GPR19: variants seen among roughly 807,000 people sequenced by gnomAD.
The protein encoded by GPR19 is probable G protein-coupled receptor 19.
A neutral mutation model predicts 28.5 loss-of-function variants in GPR19; 14 were observed. That is an observed-to-expected ratio of 0.49 (90% CI 0.32 to 0.77). GPR19 has a LOEUF of 0.77. GPR19 is among the 30% of genes least tolerant of loss of function. The probability of loss-of-function intolerance (pLI) is 0.03; values close to 1 mark genes in which losing one functional copy is unlikely to be tolerated. For missense variants in GPR19, 409 were observed against 504.1 expected (o/e 0.81, Z 1.81); for synonymous variants, 173 against 184.1 (o/e 0.94, Z 0.49).
At chr12:12,707,090 T>C in the GPR19 span, among the ~76,000 whole-genome samples, 1 of 152,174 alleles carries the variant, frequency 6.6e-6, no homozygotes, top group African/African-American at 2.4e-5. Context: ...CCACTCACCA[T>C]GTTTCCAGCT....
chr12:12,712,623 C>T, the GPR19 span, among the ~76,000 whole-genome samples: 7 of 152,168 alleles, frequency 4.6e-5, no homozygotes, highest in African/African-American at 1.7e-4. Context: ...CCTCTTTCTC[C>T]TTGCTTTGTA....
intron 3 of GPR19, among the ~76,000 whole-genome samples, chr12:12,680,267 G>A (rs1309027645): frequency 5.9e-5 from 9 of 152,208 alleles, no homozygotes; most frequent in South Asian, 2.1e-4. Flanking sequence ...TCTACCTGCC[G>A]TCTGTGGACA....
At chr12:12,693,025 A>G (rs779851849) in intron 2 of GPR19, among the ~76,000 whole-genome samples, 3 of 152,226 alleles carry the variant, frequency 2.0e-5, no homozygotes, top group East Asian at 3.8e-4. Flanking sequence ...CTTATATTCA[A>G]TAACTAAAGT....
At chr12:12,671,660 A>G (rs1385127837) in intron 3 of GPR19, among the ~76,000 whole-genome samples, 1 of 152,120 alleles carries the variant, frequency 6.6e-6, no homozygotes, top group Non-Finnish European at 1.5e-5. Flanking sequence ...AACTTCACAA[A>G]ATAGCTTAAA....
chr12:12,695,553 A>G (rs1297239570), intron 1 of GPR19, 42 bp from the exon 2 acceptor site: 8 of 152,170 alleles, frequency 5.3e-5, no homozygotes, highest in Admixed American at 5.2e-4. Context: ...ATCCCTCGAG[A>G]CAGTTCCCAA....
At chr12:12,675,228 C>T (rs893258153) in intron 3 of GPR19, among the ~76,000 whole-genome samples, 1 of 152,058 alleles carries the variant, frequency 6.6e-6, no homozygotes, top group African/African-American at 2.4e-5. Context: ...ACGTGGGGAG[C>T]AGGTTAGAGA....
intron 3 of GPR19, among the ~76,000 whole-genome samples, chr12:12,677,392 C>T (rs1017987837): frequency 6.6e-6 from 1 of 151,614 alleles, no homozygotes; most frequent in Non-Finnish European, 1.5e-5. Flanking sequence ...TTTTAGTAGA[C>T]ATGGAAAATG....
the GPR19 span, among the ~76,000 whole-genome samples, chr12:12,714,802 A>G: frequency 2.0e-5 from 3 of 152,104 alleles, no homozygotes; most frequent in Non-Finnish European, 4.4e-5. Context: ...CGTCGTCGCT[A>G]CTACAGCAGA....
upstream of GPR19, among the ~76,000 whole-genome samples, chr12:12,698,599 T>C (rs889982760): frequency 3.5e-5 from 5 of 141,900 alleles, no homozygotes; most frequent in East Asian, 6.3e-4. Context: ...ATTTTTTTCA[T>C]GATCGATAAC....
upstream of GPR19, among the ~76,000 whole-genome samples, chr12:12,698,767 C>A (rs920332225): frequency 6.6e-6 from 1 of 151,914 alleles, no homozygotes; most frequent in Non-Finnish European, 1.5e-5. Context: ...CGTGCCACCA[C>A]GCCCGGCTAA....
At chr12:12,674,639 AC>A (rs1480418017) in intron 3 of GPR19, among the ~76,000 whole-genome samples, 1 of 152,208 alleles carries the variant, frequency 6.6e-6, no homozygotes, top group Non-Finnish European at 1.5e-5. Context: ...CTAGATATCC[AC>A]GTAGAGATAT....
chr12:12,691,052 G>C (rs1418520679), intron 2 of GPR19, among the ~76,000 whole-genome samples: 1 of 151,418 alleles, frequency 6.6e-6, no homozygotes, highest in Admixed American at 6.6e-5. Context: ...TAACTCTTTG[G>C]ATTTTAATTG....
the GPR19 span, chr12:12,717,201 C>G: frequency 2.3e-5 from 24 of 1,048,894 alleles, no homozygotes; most frequent in Non-Finnish European, 2.3e-5. Context: ...CAGCCAATCT[C>G]CCGGCGGCGC....
At chr12:12,677,525 C>T (rs1249395601) in intron 3 of GPR19, among the ~76,000 whole-genome samples, 1 of 152,028 alleles carries the variant, frequency 6.6e-6, no homozygotes, top group Non-Finnish European at 1.5e-5. Flanking sequence ...GATCCACCCG[C>T]CTTGGCCTCC....
rs1212731139 is a variant in GPR19 at position 12,694,374 on chromosome 12, A to AT, written c.-180+1084dup. Among the ~76,000 whole-genome samples, 784 of 127,008 alleles carry AT rather than the reference A, an allele frequency of 6.2e-3. 2 individuals are homozygous for AT. The highest frequency in any genetic ancestry group is 9.2e-3 in the East Asian group (41 of 4,464). 83.3% of individuals were successfully genotyped at this position (127,008 alleles called of 152,430 possible). On this transcript the variant is annotated intron_variant, in intron 2 of 3. Coordinates refer to ENST00000651487, the MANE Select transcript of GPR19 (RefSeq NM_006143.3). ...CCACCACGCCCGGCTAATTTTTTGTATTTTTTTTTTTTTAGTAGAGACGGG... is the reference window on the plus strand; with the variant it reads ...CCACCACGCCCGGCTAATTTTTTGTATTTTTTTTTTTTTTAGTAGAGACGGG...
chr12:12,694,216 T>TTTTTTTTTTTTTTGG, intron 2 of GPR19, among the ~76,000 whole-genome samples: 1 of 79,134 alleles, frequency 1.3e-5, no homozygotes, highest in Admixed American at 1.4e-4. Context: ...TTTTTTTTTT[T>TTTTTTTTTTTTTTGG]GAGACGGAGT....
chr12:12,716,956 GC>G, the GPR19 span: 1 of 985,352 alleles, frequency 1.0e-6, no homozygotes, highest in Non-Finnish European at 1.2e-6. Context: ...CTAGCGAGCT[GC>G]CGGCGACCTT....
chr12:12,692,329 C>T (rs1426667190), intron 2 of GPR19, among the ~76,000 whole-genome samples: 4 of 152,186 alleles, frequency 2.6e-5, no homozygotes, highest in Admixed American at 6.5e-5. Context: ...AAGTCTATTC[C>T]TCTCTTTGAG....
At chr12:12,716,970 C>T in the GPR19 span, 1 of 985,372 alleles carries the variant, frequency 1.0e-6, no homozygotes, top group South Asian at 4.7e-5. Context: ...GCGACCTTCG[C>T]GGTCCTCTGG....
Sources: gnomAD v4.1 joint callset for allele counts (sites outside exome capture counted in the v4.1 genomes callset) on GRCh38, gnomAD v4.1.1 for gene constraint, MANE v1.5 for transcripts, NCBI Gene and HGNC (gene_info 2026-07-23, HGNC 2026-07-21) for gene names.